Variants in ADD2 observed in about 807,000 individuals in gnomAD.
ADD2 encodes adducin 2, also known as beta-adducin.
A neutral mutation model predicts 83.0 loss-of-function variants in ADD2; 23 were observed. The ratio of observed to expected loss-of-function variants is 0.28; its 90% CI spans 0.20 to 0.39. The LOEUF is 0.39. ADD2 is among the 10% of genes least tolerant of loss of function. The pLI is 1.00. For synonymous variants in ADD2, 375 were observed against 375.4 expected (o/e 1.00, Z 0.01); for missense variants, 758 against 944.9 (o/e 0.80, Z 2.59).
intron 1 of ADD2, among the ~76,000 whole-genome samples, chr2:70,731,595 G>C (rs1458672304): frequency 2.0e-5 from 3 of 152,188 alleles, no homozygotes; most frequent in African/African-American, 7.2e-5. Flanking sequence ...GCAGGAATTG[G>C]TTCGGTGCAT....
At chr2:70,731,427 T>C (rs1171169597) in intron 1 of ADD2, among the ~76,000 whole-genome samples, 2 of 152,152 alleles carry the variant, frequency 1.3e-5, no homozygotes, top group Non-Finnish European at 2.9e-5. Context: ...AGAAAGTTCA[T>C]TGGGGGACAC....
At chr2:70,745,512 G>A (rs923970190) in intron 1 of ADD2, among the ~76,000 whole-genome samples, 2 of 152,170 alleles carry the variant, frequency 1.3e-5, no homozygotes, top group Admixed American at 6.5e-5. Flanking sequence ...TTCCTGAGAT[G>A]CAGGCCGCCT....
intron 1 of ADD2, among the ~76,000 whole-genome samples, chr2:70,740,792 C>T (rs1673848319): frequency 6.6e-6 from 1 of 152,096 alleles, no homozygotes; most frequent in African/African-American, 2.4e-5. Context: ...CTCCGCCTCC[C>T]GGCTTCAAGT....
chr2:70,712,648 T>A (rs571391982), intron 2 of ADD2, among the ~76,000 whole-genome samples: 54 of 152,244 alleles, frequency 3.5e-4, no homozygotes, highest in Middle Eastern at 3.4e-3. Context: ...AGGCTGGTTC[T>A]CTAGAACCTC....
Position 70,699,493 on chromosome 2 carries a change from A to C in ADD2, c.323-3097T>G, listed in dbSNP as rs139102852. 4.6e-5 allele frequency among the ~76,000 whole-genome samples: 7 copies of C among 152,306 alleles called. No homozygotes were observed. In the East Asian group the frequency reaches 1.4e-3, roughly 29 times the overall value. On this transcript the variant is annotated intron_variant, in intron 4 of 15. Coordinates refer to ENST00000264436, the MANE Select transcript of ADD2 (RefSeq NM_001617.4). ...GCTATAGGAAGTTTACAAAAAATAA[A>C]AACAGGCCAGGCACAGTGGCTCACA...
At chr2:70,679,599 T>G (rs1670355510) in intron 10 of ADD2, among the ~76,000 whole-genome samples, 1 of 152,304 alleles carries the variant, frequency 6.6e-6, no homozygotes, top group Non-Finnish European at 1.5e-5. Flanking sequence ...TGGAGCAATA[T>G]TCAGCTCTCT....
rs963495885 is a variant in ADD2, at chr2:70,675,078, G to T, written c.1594-253C>A. ...AGTCTGCCCCTGAAATAAAATCAAA[G>T]GATGCTCCCGAGCAGAAGGAAGACA... On this transcript the variant is annotated intron_variant, in intron 13 of 15. Transcript: ENST00000264436. The T allele has an allele frequency of 4.1e-6, 5 of 1,231,548 alleles. No homozygotes were observed. In the East Asian group the frequency reaches 1.4e-4, roughly 36 times the overall value. 76.3% of individuals were successfully genotyped at this position (1,231,548 alleles called of 1,614,324 possible).
At chr2:70,754,378 T>A (rs938289377) in intron 1 of ADD2, among the ~76,000 whole-genome samples, 2 of 152,118 alleles carry the variant, frequency 1.3e-5, no homozygotes, top group African/African-American at 4.8e-5. Context: ...CAGGACACTA[T>A]TGCCCCACAG....
Position 70,706,473 on chromosome 2 carries a change from G to C in ADD2, c.-34-31C>G. On this transcript the variant is annotated intron_variant, in intron 2 of 15. Coordinates refer to ENST00000264436, the MANE Select transcript of ADD2 (RefSeq NM_001617.4). The surrounding 1 kb of genome is among the most constrained non-coding windows in gnomAD (Gnocchi z 5.0). Reference sequence around the variant, plus strand: ...GAGAAGGGGAGAGGGTATGCGGTCAGGTTGGTGCTCCCCATCGGGGTACAC... The same window carrying C: ...GAGAAGGGGAGAGGGTATGCGGTCACGTTGGTGCTCCCCATCGGGGTACAC... 1 of 1,533,568 alleles carries C rather than the reference G, an allele frequency of 6.5e-7. No individual in the cohort carries two copies. Among genetic ancestry groups the C allele is most frequent in the Non-Finnish European group, 8.8e-7 (1 of 1,141,264 alleles). 95.0% of individuals were successfully genotyped at this position (1,533,568 alleles called of 1,614,324 possible). A position where few individuals can be genotyped will look rare whatever the true frequency, so the allele number is the denominator to read the frequency against.
chr2:70,686,223 T>C (rs1670717324), intron 9 of ADD2, among the ~76,000 whole-genome samples: 1 of 152,198 alleles, frequency 6.6e-6, no homozygotes, highest in African/African-American at 2.4e-5. Flanking sequence ...TAGGCTTTCC[T>C]GCTTTTTTCT....
At chr2:70,742,006 C>T (rs1673943983) in intron 1 of ADD2, among the ~76,000 whole-genome samples, 1 of 151,692 alleles carries the variant, frequency 6.6e-6, no homozygotes, top group African/African-American at 2.4e-5. Context: ...AAACTGTGTT[C>T]CAAGAACCTG....
chr2:70,723,480 A>G (rs1672833093), intron 1 of ADD2, among the ~76,000 whole-genome samples: 2 of 152,282 alleles, frequency 1.3e-5, no homozygotes, highest in South Asian at 2.1e-4. Context: ...TCTCAAGGGA[A>G]CATCAACGAA....
chr2:70,679,612 G>T (rs1553369176), intron 10 of ADD2, among the ~76,000 whole-genome samples: 1 of 151,902 alleles, frequency 6.6e-6, no homozygotes, highest in African/African-American at 2.4e-5. Context: ...AGCTCTCTTT[G>T]TCTTCTTTTA....
At chr2:70,758,472 G>T (rs999847382) in intron 1 of ADD2, among the ~76,000 whole-genome samples, 1 of 152,162 alleles carries the variant, frequency 6.6e-6, no homozygotes, top group Non-Finnish European at 1.5e-5. Context: ...CAGAAAAATG[G>T]AGTAGTTCAG....
intron 1 of ADD2, among the ~76,000 whole-genome samples, chr2:70,721,119 G>A (rs1293848895): frequency 2.0e-5 from 3 of 152,188 alleles, no homozygotes; most frequent in Admixed American, 6.5e-5. Context: ...AGTGTCTCCT[G>A]CAGGACCATC....
At chr2:70,668,489 T>G (rs1669771455) in intron 15 of ADD2, among the ~76,000 whole-genome samples, 1 of 152,222 alleles carries the variant, frequency 6.6e-6, no homozygotes, top group African/African-American at 2.4e-5. Flanking sequence ...TCATTTATCT[T>G]TTTTTCTTTT....
At chr2:70,685,025 T>C (rs186368974) in intron 9 of ADD2, among the ~76,000 whole-genome samples, 55 of 152,312 alleles carry the variant, frequency 3.6e-4, no homozygotes, top group African/African-American at 1.3e-3. Flanking sequence ...GGATGACAAA[T>C]CTAGCTACAT....
chr2:70,704,263 T>TGGGCCCCCCCCCCCCCCCCC, intron 4 of ADD2, 58 bp downstream of exon 4: 44 of 913,208 alleles, frequency 4.8e-5, no homozygotes, highest in East Asian at 8.8e-5. Flanking sequence ...CTCCCTCTCT[T>TGGGCCCCCCCCCCCCCCCCC]CCCCACCCCA....
rs185850789 is a variant in ADD2 at position 70,761,769 on chromosome 2, T to A, written c.-154+6117A>T. Among the ~76,000 whole-genome samples, 578 of 150,696 alleles carry A rather than the reference T, an allele frequency of 3.8e-3. 22 individuals are homozygous for A. The highest frequency in any genetic ancestry group is 0.014 in the African/African-American group (562 of 40,608). On this transcript the variant is annotated intron_variant, in intron 1 of 15. Coordinates refer to ENST00000264436, the MANE Select transcript of ADD2 (RefSeq NM_001617.4). ...TCACTGCAAGCTCTGCCTCCCGGGT[T>A]CATGCCATTCTCCTGCCTCAGCCTC...
Sources: gnomAD v4.1 joint callset for allele counts (sites outside exome capture counted in the v4.1 genomes callset) on GRCh38, gnomAD v4.1.1 for gene constraint, Gnocchi (gnomAD v3.1) non-coding constraint, MANE v1.5 for transcripts, NCBI Gene and HGNC (gene_info 2026-07-23, HGNC 2026-07-21) for gene names.